Variants in SH3RF1 observed in about 807,000 individuals in gnomAD.
SH3RF1 encodes the protein E3 ubiquitin-protein ligase SH3RF1.
In SH3RF1, 32 loss-of-function variants were observed where a neutral mutation model predicts 74.0. That is an observed-to-expected ratio of 0.43 (90% CI 0.33 to 0.58). The LOEUF (loss-of-function observed/expected upper bound fraction) is 0.58. Among genes scored for constraint, SH3RF1 ranks in the 20% least tolerant of loss-of-function variants. SH3RF1 has a pLI of 0.05. For synonymous variants in SH3RF1, 396 were observed against 439.6 expected (o/e 0.90, Z 1.24); for missense variants, 954 against 1,130.9 (o/e 0.84, Z 2.24).
At chr4:169,115,274 C>G (rs911283468) in intron 10 of SH3RF1, among the ~76,000 whole-genome samples, 1 of 152,172 alleles carries the variant, frequency 6.6e-6, no homozygotes, top group African/African-American at 2.4e-5. Context: ...TGGACCAGTA[C>G]TAGCCTGTGG....
In SH3RF1 at chr4:169,268,933, T is replaced by C; in HGVS notation, c.280A>G (p.Thr94Ala). 1 of 1,614,138 alleles carries C rather than the reference T, an allele frequency of 6.2e-7. No homozygotes were observed. The highest frequency in any genetic ancestry group is 8.5e-7 in the Non-Finnish European group (1 of 1,180,014). ...GPGGGSGTNC[T>A]NALRSQSSTV... is the part of the protein sequence containing the mutation. ...CTGCTCTGAGACCTTAATGCATTTGTGCAGTTGGTCCCACTTCCCCCACCA... is the reference window on the plus strand; with the variant it reads ...CTGCTCTGAGACCTTAATGCATTTGCGCAGTTGGTCCCACTTCCCCCACCA... Residue 94 changes from threonine (T) to alanine (A), a missense_variant, in exon 2 of 12, where the codon ACA (threonine) becomes GCA (alanine). This residue lies in a region of SH3RF1 where 854 missense variants were observed against 962.5 expected (regional missense o/e 0.89). Coordinates refer to ENST00000284637, the MANE Select transcript of SH3RF1 (RefSeq NM_020870.4).
At chr4:169,100,799 C>G (rs1029595310) in intron 11 of SH3RF1, among the ~76,000 whole-genome samples, 1 of 152,228 alleles carries the variant, frequency 6.6e-6, no homozygotes, top group Non-Finnish European at 1.5e-5. Flanking sequence ...GCTGTAGCTA[C>G]TACTATCACC....
chr4:169,104,570 A>C (rs527566181), intron 11 of SH3RF1, among the ~76,000 whole-genome samples: 2 of 152,298 alleles, frequency 1.3e-5, no homozygotes, highest in South Asian at 4.1e-4. Context: ...GGGGGTTAGA[A>C]CTATAGAAAA....
chr4:169,257,654 C>G (rs775722795), intron 2 of SH3RF1, among the ~76,000 whole-genome samples: 4 of 152,200 alleles, frequency 2.6e-5, no homozygotes, highest in African/African-American at 4.8e-5. Context: ...TTAGGTAATT[C>G]TAAATATGGT....
At chr4:169,163,423 T>G (rs908731014) in intron 2 of SH3RF1, among the ~76,000 whole-genome samples, 1 of 152,166 alleles carries the variant, frequency 6.6e-6, no homozygotes, top group African/African-American at 2.4e-5. Context: ...AGGAGCATGT[T>G]TAAAAGGCAA....
At chr4:169,153,472 G>A (rs1225920524) in intron 4 of SH3RF1, among the ~76,000 whole-genome samples, 3 of 152,216 alleles carry the variant, frequency 2.0e-5, no homozygotes, top group Non-Finnish European at 4.4e-5. Context: ...TAGGTTTACA[G>A]AGCTAGAGAA....
chr4:169,196,092 GGAGT>G (rs1445094657), intron 2 of SH3RF1, among the ~76,000 whole-genome samples: 5 of 152,190 alleles, frequency 3.3e-5, no homozygotes, highest in Non-Finnish European at 5.9e-5. Flanking sequence ...TGAGATTACA[GGAGT>G]GAGCCACCAC....
At chr4:169,247,543 T>C (rs76282203) in intron 2 of SH3RF1, among the ~76,000 whole-genome samples, 1 of 152,114 alleles carries the variant, frequency 6.6e-6, no homozygotes, top group African/African-American at 2.4e-5. Flanking sequence ...GGAATCTAGA[T>C]AGGTGAACAA....
intron 2 of SH3RF1, among the ~76,000 whole-genome samples, chr4:169,226,377 T>C (rs1306794762): frequency 6.6e-6 from 1 of 152,206 alleles, no homozygotes; most frequent in Non-Finnish European, 1.5e-5. Context: ...ACAGTTGTCG[T>C]GTCTACATAT....
intron 2 of SH3RF1, among the ~76,000 whole-genome samples, chr4:169,160,693 G>T (rs1018976860): frequency 2.0e-5 from 3 of 152,150 alleles, no homozygotes; most frequent in Non-Finnish European, 4.4e-5. Context: ...TTTCTAAAAA[G>T]AAGGCTTCCC....
At chr4:169,127,501 CAT>C in intron 6 of SH3RF1, among the ~76,000 whole-genome samples, 1 of 152,212 alleles carries the variant, frequency 6.6e-6, no homozygotes, top group Non-Finnish European at 1.5e-5. Flanking sequence ...TTAAACCTGA[CAT>C]ATTAAATCTA....
At chr4:169,177,158 G>A (rs1318781780) in intron 2 of SH3RF1, among the ~76,000 whole-genome samples, 3 of 152,144 alleles carry the variant, frequency 2.0e-5, no homozygotes, top group Non-Finnish European at 2.9e-5. Context: ...GCACTTATAT[G>A]TAATTCAATT....
intron 2 of SH3RF1, among the ~76,000 whole-genome samples, chr4:169,241,184 C>T (rs113422209): frequency 0.042 from 6,326 of 152,242 alleles, 146 homozygotes; most frequent in Middle Eastern, 0.078. Flanking sequence ...GAGCCGAGAT[C>T]GCGCCACTGC....
chr4:169,174,286 T>G (rs766695479), intron 2 of SH3RF1, among the ~76,000 whole-genome samples: 4 of 152,050 alleles, frequency 2.6e-5, no homozygotes, highest in Non-Finnish European at 5.9e-5. Flanking sequence ...GCTCTCAAAT[T>G]CTTAAGACTC....
intron 2 of SH3RF1, among the ~76,000 whole-genome samples, chr4:169,212,821 C>A (rs1730402006): frequency 6.6e-6 from 1 of 152,174 alleles, no homozygotes; most frequent in Non-Finnish European, 1.5e-5. Flanking sequence ...AGCATAATTT[C>A]AGTGTTCAAA....
intron 4 of SH3RF1, among the ~76,000 whole-genome samples, chr4:169,154,874 T>C (rs1027268269): frequency 6.6e-6 from 1 of 152,212 alleles, no homozygotes; most frequent in African/African-American, 2.4e-5. Context: ...GCTTGTATTA[T>C]TCTTTAAAGT....
intron 2 of SH3RF1, among the ~76,000 whole-genome samples, chr4:169,222,956 ATTT>A (rs1561057157): frequency 6.6e-6 from 1 of 152,134 alleles, no homozygotes; most frequent in African/African-American, 2.4e-5. Flanking sequence ...CCTCGCATGG[ATTT>A]TTATGAGGCA....
At chr4:169,270,055 T>G (rs1489807822) in intron 1 of SH3RF1, 1 of 152,340 alleles carries the variant, frequency 6.6e-6, no homozygotes, top group Non-Finnish European at 1.5e-5. Flanking sequence ...CTGGAAACTG[T>G]GGGCATATGA....
intron 2 of SH3RF1, among the ~76,000 whole-genome samples, chr4:169,180,246 G>A (rs1456552801): frequency 7.9e-6 from 1 of 127,226 alleles, no homozygotes; most frequent in Non-Finnish European, 1.8e-5. Flanking sequence ...GAAGAATAAA[G>A]AGGTATAGAA....
Sources: gnomAD v4.1 joint callset for allele counts (sites outside exome capture counted in the v4.1 genomes callset) on GRCh38, gnomAD v4.1.1 for gene constraint, gnomAD v4.1.1 regional missense constraint, MANE v1.5 for transcripts, NCBI Gene and HGNC (gene_info 2026-07-23, HGNC 2026-07-21) for gene names.